The following FSD1L variants were observed in gnomAD, a reference collection of about 807,000 sequenced individuals.
FSD1L encodes fibronectin type III and SPRY domain containing 1 like.
Under a neutral mutation model 71.6 loss-of-function variants are expected in FSD1L, and 45 were observed. The ratio of observed to expected loss-of-function variants is 0.63; its 90% CI spans 0.49 to 0.81. The LOEUF (loss-of-function observed/expected upper bound fraction) is 0.81. Among genes scored for constraint, FSD1L ranks in the 30% least tolerant of loss-of-function variants. The probability of loss-of-function intolerance (pLI) is 0.00; values close to 1 mark genes in which losing one functional copy is unlikely to be tolerated. For missense variants in FSD1L, 561 were observed against 618.1 expected, an observed-to-expected ratio of 0.91 and a Z score of 0.98; for synonymous variants, 197 against 207.2, an observed-to-expected ratio of 0.95 and a Z score of 0.42.
rs199727073 is a variant in FSD1L, at chr9:105,511,192, AT to A, written c.896-1603del. 3.7e-3 allele frequency among the ~76,000 whole-genome samples: 530 copies of A among 143,606 alleles called. 4 individuals carry two copies. Among genetic ancestry groups the A allele is most frequent in the African/African-American group, 9.9e-3 (388 of 39,390 alleles). The allele number at this position is 143,606 out of a possible 152,430, so 94.2% of individuals were successfully genotyped here. Reference sequence around the variant, plus strand: ...TAAGTGGTTTTCAATGGTACTATCTATTTTTTTTTTTTGCCACCTTTGACAC... The same window carrying A: ...TAAGTGGTTTTCAATGGTACTATCTATTTTTTTTTTTGCCACCTTTGACAC... On this transcript the variant is annotated intron_variant, in intron 9 of 13. Coordinates refer to ENST00000481272, the MANE Select transcript of FSD1L (RefSeq NM_001145313.3).
At chr9:105,464,156 T>C in intron 2 of FSD1L, 80 bp from the exon 3 acceptor site, 2 of 733,384 alleles carry the variant, frequency 2.7e-6, no homozygotes, top group Non-Finnish European at 4.6e-6. Flanking sequence ...TTACATAAAG[T>C]TTGTTTAGAG....
At chr9:105,451,605 C>T (rs1036861490) in intron 1 of FSD1L, among the ~76,000 whole-genome samples, 3 of 152,142 alleles carry the variant, frequency 2.0e-5, no homozygotes, top group Non-Finnish European at 4.4e-5. Flanking sequence ...AGTATTAACT[C>T]CTGGAAATAA....
rs532443930 is a variant in FSD1L, at chr9:105,529,580, C to T, written c.1026-4913C>T. ...AAGTGGGAGTTGAACAATGAGAACG[C>T]GTGGACACAGAGAGGGGAACATCAC... On this transcript the variant is annotated intron_variant, in intron 10 of 13. Coordinates refer to ENST00000481272, the MANE Select transcript of FSD1L (RefSeq NM_001145313.3). Among the ~76,000 whole-genome samples, 34 of 151,906 alleles carry T rather than the reference C, an allele frequency of 2.2e-4. No homozygotes were observed. The South Asian group carries it at 4.4e-3, about 20-fold the overall frequency.
intron 12 of FSD1L, 25 bp from the exon 13 acceptor site, chr9:105,539,234 AAATT>A (rs1564152960): frequency 1.9e-6 from 2 of 1,046,798 alleles, no homozygotes; most frequent in East Asian, 5.3e-5. Flanking sequence ...TTTGTATAAT[AAATT>A]AGGCTTTTTT....
intron 5 of FSD1L, among the ~76,000 whole-genome samples, chr9:105,473,941 C>T (rs1449188969): frequency 1.3e-5 from 2 of 152,092 alleles, no homozygotes; most frequent in Non-Finnish European, 2.9e-5. Flanking sequence ...TTTAATATGC[C>T]ACTTCGCTTA....
Position 105,546,478 on chromosome 9 carries a change from C to G in FSD1L, c.1588C>G (p.Gln530Glu). The change falls in exon 14 of 14, where the codon CAA (glutamine) becomes GAA (glutamate). Residue 530 changes from glutamine (Q) to glutamate (E), a missense_variant. This residue lies in a region of FSD1L where 98 missense variants were observed against 102.3 expected (regional missense o/e 0.96). Transcript: ENST00000481272. The stretch of plus-strand genomic sequence containing the variant: ...TAGCAGCCTGAACAATGTTGTTACT[C>G]AATAGTGTCTACTCAGAATACGTTT... ...SASSLNNVVT[Q>E] is the part of the protein sequence containing the mutation. 6.5e-7 allele frequency: 1 copy of G among 1,544,394 alleles called. No individual in the cohort carries two copies. The highest frequency in any genetic ancestry group is 1.4e-5 in the African/African-American group (1 of 72,688).
rs925344591 is a variant in FSD1L at position 105,461,707 on chromosome 9, A to AC, written c.111+93dup. The AC allele has an allele frequency of 7.4e-5, 54 of 726,730 alleles. No homozygotes were observed. The African/African-American group carries it at 9.0e-4, about 12-fold the overall frequency. The allele number at this position is 726,730 out of a possible 1,614,324, so 45.0% of individuals were successfully genotyped here. A position where few individuals can be genotyped will look rare whatever the true frequency, so the allele number is the denominator to read the frequency against. On this transcript the variant is annotated intron_variant, in intron 2 of 13. Coordinates refer to ENST00000481272, the MANE Select transcript of FSD1L (RefSeq NM_001145313.3). ...TGTCTTTGACTATACTCATTAAAAA[A>AC]CAGGAACATTAAAAAGGTAGGCTTT...
chr9:105,515,035 G>T (rs1362199563), intron 10 of FSD1L, among the ~76,000 whole-genome samples: 1 of 152,146 alleles, frequency 6.6e-6, no homozygotes, highest in Non-Finnish European at 1.5e-5. Context: ...GAATAGAGGT[G>T]CCTAGGGTAG....
rs528896335 is a variant in FSD1L at position 105,546,581 on chromosome 9, G to T, written c.*98G>T. ...TTTGGTAGTAGTGAAAATCAGGTTT[G>T]CTGTGTTCTGCTTTGAGGCCTGGAA... On this transcript the variant is annotated 3_prime_UTR_variant, in exon 14 of 14. Coordinates refer to ENST00000481272, the MANE Select transcript of FSD1L (RefSeq NM_001145313.3). 268 of 1,242,006 alleles carry T rather than the reference G, an allele frequency of 2.2e-4. 6 individuals are homozygous for T. The South Asian group carries it at 4.4e-3, about 20-fold the overall frequency. The allele number at this position is 1,242,006 out of a possible 1,614,324, so 76.9% of individuals were successfully genotyped here. A position where few individuals can be genotyped will look rare whatever the true frequency, so the allele number is the denominator to read the frequency against.
Position 105,504,801 on chromosome 9 carries a change from T to C in FSD1L, c.587-1598T>C, listed in dbSNP as rs1030132794. Among the ~76,000 whole-genome samples the C allele has an allele frequency of 2.0e-5, 3 of 152,360 alleles. No individual in the cohort carries two copies. In the East Asian group the frequency reaches 5.8e-4, roughly 29 times the overall value. On this transcript the variant is annotated intron_variant, in intron 7 of 13. Transcript: ENST00000481272. Reference sequence around the variant, plus strand: ...AAACTTTTTTATTGTTGTATTGTTATTTTTATTTTTTCCGAATATTTTTTG... The same window carrying C: ...AAACTTTTTTATTGTTGTATTGTTACTTTTATTTTTTCCGAATATTTTTTG...
At chr9:105,514,449 T>A (rs1015199523) in intron 10 of FSD1L, among the ~76,000 whole-genome samples, 4 of 152,236 alleles carry the variant, frequency 2.6e-5, no homozygotes, top group African/African-American at 9.6e-5. Flanking sequence ...CTGGATGTTA[T>A]AGGATTTATA....
chr9:105,478,472 T>C (rs941083014), intron 5 of FSD1L, among the ~76,000 whole-genome samples: 1 of 152,236 alleles, frequency 6.6e-6, no homozygotes, highest in Non-Finnish European at 1.5e-5. Flanking sequence ...GGGGATACAG[T>C]GTTGAGCAAA....
chr9:105,506,521 A>G lies in FSD1L; in HGVS notation c.709A>G (p.Thr237Ala). Residue 237 changes from threonine (T) to alanine (A), a missense_variant, in exon 8 of 14, where the codon ACT becomes GCT. Coordinates refer to ENST00000481272, the MANE Select transcript of FSD1L (RefSeq NM_001145313.3). ...CCATTTTATACTGGAACATAGGAAGACTAATTTTGATGGACTTCCACGTGT... is the reference window on the plus strand; with the variant it reads ...CCATTTTATACTGGAACATAGGAAGGCTAATTTTGATGGACTTCCACGTGT... ...IDHFILEHRK[T>A]NFDGLPRVKD... 6.4e-7 allele frequency: 1 copy of G among 1,551,076 alleles called. No individual in the cohort carries two copies. Among genetic ancestry groups the G allele is most frequent in the African/African-American group, 1.4e-5 (1 of 73,132 alleles).
chr9:105,466,006 A>G (rs1831043719), intron 3 of FSD1L, among the ~76,000 whole-genome samples: 1 of 152,014 alleles, frequency 6.6e-6, no homozygotes, highest in African/African-American at 2.4e-5. Flanking sequence ...AGAAGACTCT[A>G]AAGACTCTAC....
chr9:105,499,544 C>T (rs1833639642), intron 7 of FSD1L, among the ~76,000 whole-genome samples: 2 of 151,908 alleles, frequency 1.3e-5, no homozygotes, highest in South Asian at 2.1e-4. Flanking sequence ...CAGAATTGCT[C>T]CTCTATAGGT....
rs559571906 is a variant in FSD1L, at chr9:105,525,933, C to G, written c.1026-8560C>G. 8 of 1,565,010 alleles carry G rather than the reference C, an allele frequency of 5.1e-6. No homozygotes were observed. The Admixed American group carries it at 1.2e-4, about 23-fold the overall frequency. ...CTTCTGATTCTGATGATTCTTTGAC[C>G]AAAAAATTGAGACATTTGGGAAATG... On this transcript the variant is annotated intron_variant, in intron 10 of 13. Coordinates refer to ENST00000481272, the MANE Select transcript of FSD1L (RefSeq NM_001145313.3).
At chr9:105,477,424 G>A (rs1248934614) in intron 5 of FSD1L, among the ~76,000 whole-genome samples, 1 of 152,206 alleles carries the variant, frequency 6.6e-6, no homozygotes, top group African/African-American at 2.4e-5. Context: ...TCAGGTGATG[G>A]GCAGGGGGAG....
At chr9:105,498,381 A>C (rs1833555402) in intron 7 of FSD1L, among the ~76,000 whole-genome samples, 1 of 152,078 alleles carries the variant, frequency 6.6e-6, no homozygotes, top group South Asian at 2.1e-4. Flanking sequence ...ACACAAACCA[A>C]GATGGTATAG....
chr9:105,536,876 A>C (rs1475057709), intron 12 of FSD1L, among the ~76,000 whole-genome samples: 2 of 152,100 alleles, frequency 1.3e-5, no homozygotes, highest in African/African-American at 4.8e-5. Context: ...ACCTCAAGTG[A>C]TCCACCTGGC....
Sources: gnomAD v4.1 joint callset for allele counts (sites outside exome capture counted in the v4.1 genomes callset) on GRCh38, gnomAD v4.1.1 for gene constraint, gnomAD v4.1.1 regional missense constraint, MANE v1.5 for transcripts, NCBI Gene and HGNC (gene_info 2026-07-23, HGNC 2026-07-21) for gene names.